SLC47A2: variants seen among roughly 807,000 people sequenced by gnomAD.
SLC47A2 encodes the protein multidrug and toxin extrusion protein 2.
Under a neutral mutation model 67.7 loss-of-function variants are expected in SLC47A2, and 52 were observed. The ratio of observed to expected loss-of-function variants is 0.77; its 90% CI spans 0.61 to 0.97. SLC47A2 has a LOEUF of 0.97. SLC47A2 is among the 50% of genes least tolerant of loss of function. SLC47A2 has a pLI of 0.00. For missense variants in SLC47A2, 676 were observed against 712.3 expected, an observed-to-expected ratio of 0.95 and a Z score of 0.58; for synonymous variants, 278 against 292.9, an observed-to-expected ratio of 0.95 and a Z score of 0.52.
chr17:19,703,691 G>T (rs369534766), intron 11 of SLC47A2, among the ~76,000 whole-genome samples: 1 of 152,234 alleles, frequency 6.6e-6, no homozygotes, highest in Non-Finnish European at 1.5e-5. Context: ...GGTGCTGGGA[G>T]GGCCAGGCCT....
chr17:19,683,323 C>G (rs80104816), intron 13 of SLC47A2, among the ~76,000 whole-genome samples: 8 of 152,166 alleles, frequency 5.3e-5, no homozygotes, highest in Non-Finnish European at 1.2e-4. Flanking sequence ...GCCCTCCCCC[C>G]ACCAAACAAA....
intron 8 of SLC47A2, 144 bp from the exon 9 acceptor site, chr17:19,706,905 G>A: frequency 1.6e-6 from 1 of 613,364 alleles, no homozygotes; most frequent in Non-Finnish European, 2.8e-6. Context: ...TTTTGCAGAG[G>A]GAATGCAGCT....
intron 10 of SLC47A2, chr17:19,704,553 C>G (rs1272263913): frequency 8.1e-7 from 1 of 1,233,924 alleles, no homozygotes; most frequent in Non-Finnish European, 1.1e-6. Flanking sequence ...TCAGCAGAAA[C>G]CACTTGTAAA....
intron 1 of SLC47A2, 88 bp from the exon 2 acceptor site, chr17:19,715,305 C>T (rs1350962469): frequency 1.1e-5 from 13 of 1,216,278 alleles, no homozygotes; most frequent in Non-Finnish European, 1.5e-5. Flanking sequence ...CTTTGAGGGC[C>T]CCGCACCAGT....
Position 19,702,221 on chromosome 17 carries a change from T to G in SLC47A2, c.1164+384A>C, listed in dbSNP as rs932611830. 2.3e-5 allele frequency: 23 copies of G among 985,252 alleles called. No homozygotes were observed. The Admixed American group carries it at 6.8e-4, about 29-fold the overall frequency. The allele number at this position is 985,252 out of a possible 1,614,324, so 61.0% of individuals were successfully genotyped here. On this transcript the variant is annotated intron_variant, in intron 13 of 16. Coordinates refer to ENST00000433844, the MANE Select transcript of SLC47A2 (RefSeq NM_001099646.3). ...CTGTGTTCTGGGTGGGCTCGTTCCCTTGTAGAAATGTCCCTCTGTGCTGGC... is the reference window on the plus strand; with the variant it reads ...CTGTGTTCTGGGTGGGCTCGTTCCCGTGTAGAAATGTCCCTCTGTGCTGGC...
intron 10 of SLC47A2, chr17:19,704,797 G>A: frequency 1.3e-6 from 1 of 774,682 alleles, no homozygotes; most frequent in South Asian, 2.6e-5. Context: ...GTGCAGGAAT[G>A]TGGCCTGCTG....
At chr17:19,699,361 G>A (rs559994198) in intron 13 of SLC47A2, among the ~76,000 whole-genome samples, 13 of 152,156 alleles carry the variant, frequency 8.5e-5, no homozygotes, top group Middle Eastern at 3.4e-3. Context: ...GGGTTACACC[G>A]TGACTTTTTA....
intron 5 of SLC47A2, among the ~76,000 whole-genome samples, chr17:19,711,083 A>G (rs1218590195): frequency 6.6e-6 from 1 of 151,856 alleles, no homozygotes; most frequent in Non-Finnish European, 1.5e-5. Context: ...TGCTGGGATT[A>G]CAGGCGTGAG....
intron 13 of SLC47A2, among the ~76,000 whole-genome samples, chr17:19,693,298 A>T (rs1434391829): frequency 6.6e-6 from 1 of 152,182 alleles, no homozygotes; most frequent in East Asian, 1.9e-4. Context: ...AAAATCTAGC[A>T]CCCAATTATG....
chr17:19,690,833 C>T (rs887200338), intron 13 of SLC47A2, among the ~76,000 whole-genome samples: 1 of 151,864 alleles, frequency 6.6e-6, no homozygotes, highest in Non-Finnish European at 1.5e-5. Context: ...AGGGAACCCC[C>T]CTTGGCCGGG....
chr17:19,714,903 G>A, intron 2 of SLC47A2, 114 bp from the exon 3 acceptor site: 1 of 1,465,156 alleles, frequency 6.8e-7, no homozygotes, highest in Non-Finnish European at 9.5e-7. Context: ...AGCGGTGGCA[G>A]AGGCTCTGCT....
At position 19,712,583 on chromosome 17, in the gene SLC47A2, C is replaced by T. The variant is rs1455850164; in HGVS notation, c.486+120G>A. On this transcript the variant is annotated intron_variant, in intron 5 of 16. Transcript: ENST00000433844. ...GCAACGGGAACTTTTGTCAGTCACC[C>T]TCATGGCCCAGCAGGAAGTCACAGC... 3 of 1,043,352 alleles carry T rather than the reference C, an allele frequency of 2.9e-6. No individual in the cohort carries two copies. The Admixed American group carries it at 6.1e-5, about 21-fold the overall frequency. 64.6% of individuals were successfully genotyped at this position (1,043,352 alleles called of 1,614,324 possible). A position where few individuals can be genotyped will look rare whatever the true frequency, so the allele number is the denominator to read the frequency against.
chr17:19,710,980 T>C (rs1338749299), intron 5 of SLC47A2, among the ~76,000 whole-genome samples: 1 of 151,596 alleles, frequency 6.6e-6, no homozygotes, highest in African/African-American at 2.4e-5. Flanking sequence ...CGGCTAATTT[T>C]GTATTTTTAG....
chr17:19,699,574 A>T (rs531411903), intron 13 of SLC47A2, among the ~76,000 whole-genome samples: 1 of 151,214 alleles, frequency 6.6e-6, no homozygotes, highest in East Asian at 2.0e-4. Context: ...GCTAATTTTT[A>T]AAAACTTTTG....
intron 13 of SLC47A2, among the ~76,000 whole-genome samples, chr17:19,684,970 C>T (rs890599828): frequency 1.2e-4 from 19 of 152,052 alleles, no homozygotes; most frequent in Non-Finnish European, 2.5e-4. Flanking sequence ...CCCGGCCTGC[C>T]GAGTGCCTGG....
Position 19,708,762 on chromosome 17 carries a change from T to C in SLC47A2, c.487-2A>G. The C allele has an allele frequency of 6.2e-7, 1 of 1,613,984 alleles. No individual in the cohort carries two copies. The highest frequency in any genetic ancestry group is 8.5e-7 in the Non-Finnish European group (1 of 1,180,034). ...CAGCAGATTGTAAAGAAAAATCACC[T>C]GTATGAAAAGCAAACCCAAACAAAT... On this transcript the variant is annotated splice_acceptor_variant, in intron 5 of 16. Transcript: ENST00000433844. LOFTEE classifies it high-confidence loss of function.
chr17:19,706,112 A>G (rs2085928569), intron 9 of SLC47A2, among the ~76,000 whole-genome samples: 1 of 152,138 alleles, frequency 6.6e-6, no homozygotes, highest in Non-Finnish European at 1.5e-5. Context: ...TGGCCCTCCC[A>G]CTGATTTTCT....
chr17:19,702,953 C>T (rs2085825346), intron 12 of SLC47A2, 139 bp downstream of exon 12: 2 of 983,792 alleles, frequency 2.0e-6, no homozygotes, highest in African/African-American at 3.2e-5. Context: ...AAGTTGGCTT[C>T]CTCTCAGTGA....
At chr17:19,716,585 G>A (rs766184920), upstream of SLC47A2, 12 of 1,558,014 alleles carry the variant, frequency 7.7e-6, no homozygotes, top group Middle Eastern at 1.7e-4. Context: ...TACCCTGCAC[G>A]CCTGAGCGCC....
Sources: gnomAD v4.1 joint callset for allele counts (sites outside exome capture counted in the v4.1 genomes callset) on GRCh38, gnomAD v4.1.1 for gene constraint, MANE v1.5 for transcripts, NCBI Gene and HGNC (gene_info 2026-07-23, HGNC 2026-07-21) for gene names.